Variants in ERC2 observed in about 807,000 individuals in gnomAD.
The protein encoded by ERC2 is ELKS/RAB6-interacting/CAST family member 2.
A neutral mutation model predicts 114.8 loss-of-function variants in ERC2; 42 were observed. The ratio of observed to expected loss-of-function variants is 0.37; its 90% CI spans 0.29 to 0.47. The LOEUF is 0.47. ERC2 is among the 20% of genes least tolerant of loss of function. The pLI, the probability that ERC2 is intolerant of heterozygous loss-of-function variation, is 0.99. For missense variants in ERC2, 939 were observed against 1,150.7 expected (o/e 0.82, Z 2.66); for synonymous variants, 454 against 425.5 (o/e 1.07, Z -0.82).
chr3:55,989,792 C>T (rs1359622691), intron 11 of ERC2, among the ~76,000 whole-genome samples: 2 of 152,124 alleles, frequency 1.3e-5, no homozygotes, highest in Non-Finnish European at 2.9e-5. Flanking sequence ...TCAAGTGCTT[C>T]CCAGAGTACC....
chr3:55,751,024 G>C (rs1379996513), intron 14 of ERC2, among the ~76,000 whole-genome samples: 1 of 152,118 alleles, frequency 6.6e-6, no homozygotes, highest in African/African-American at 2.4e-5. Flanking sequence ...TATGTTGTTG[G>C]CAAAAAATAT....
chr3:56,286,764 C>A (rs2054749759), intron 3 of ERC2, among the ~76,000 whole-genome samples: 1 of 149,574 alleles, frequency 6.7e-6, no homozygotes, highest in Admixed American at 6.6e-5. Context: ...AGCTCCCAGG[C>A]CATTTAAAAA....
At position 55,864,172 on chromosome 3, in the gene ERC2, T is replaced by TATATATATATACAC. The variant is rs1559783267; in HGVS notation, c.2564+24216_2564+24217insGTGTATATATATAT. 2.2e-3 allele frequency among the ~76,000 whole-genome samples: 244 copies of TATATATATATACAC among 113,450 alleles called. 4 individuals carry two copies. The highest frequency in any genetic ancestry group is 0.011 in the East Asian group (51 of 4,634). 74.4% of individuals were successfully genotyped at this position (113,450 alleles called of 152,430 possible). On this transcript the variant is annotated intron_variant, in intron 14 of 17. Transcript: ENST00000288221. ...ATATATATACACATATATATACACA[T>TATATATATATACAC]ATATATATACACATATATATATACA...
rs143068039 is a variant in ERC2, at chr3:56,139,439, G to A, written c.1473+70C>T. 4.1e-4 allele frequency: 612 copies of A among 1,484,860 alleles called. 4 individuals are homozygous for A. The East Asian group carries it at 0.011, about 26-fold the overall frequency. The allele number at this position is 1,484,860 out of a possible 1,614,324, so 92.0% of individuals were successfully genotyped here. A position where few individuals can be genotyped will look rare whatever the true frequency, so the allele number is the denominator to read the frequency against. ...TAGGATAAAGGGTCTTTGGAGGAAA[G>A]TTGTTCAGGTAGGGCAATTTCTATC... is the stretch of plus-strand genomic sequence containing the variant. On this transcript the variant is annotated intron_variant, in intron 6 of 17. Transcript: ENST00000288221.
intron 3 of ERC2, among the ~76,000 whole-genome samples, chr3:56,175,839 AT>A (rs2082947120): frequency 6.6e-6 from 1 of 152,214 alleles, no homozygotes; most frequent in Non-Finnish European, 1.5e-5. Flanking sequence ...AGTTTTTAAT[AT>A]AATTTATTTA....
At chr3:55,727,864 A>G (rs925174722) in intron 15 of ERC2, among the ~76,000 whole-genome samples, 2 of 152,142 alleles carry the variant, frequency 1.3e-5, no homozygotes, top group African/African-American at 4.8e-5. Flanking sequence ...CGCCACCCCA[A>G]TTAGTTCAAC....
chr3:56,212,950 T>C (rs147106134), intron 3 of ERC2, among the ~76,000 whole-genome samples: 5 of 152,294 alleles, frequency 3.3e-5, no homozygotes, highest in Non-Finnish European at 7.4e-5. Context: ...ACATTCTATG[T>C]TCTCATTCAT....
At chr3:56,006,155 T>C (rs1199012715) in intron 10 of ERC2, among the ~76,000 whole-genome samples, 3 of 152,052 alleles carry the variant, frequency 2.0e-5, no homozygotes, top group Non-Finnish European at 4.4e-5. Context: ...GTGTGAAATT[T>C]CTCATGACAA....
At chr3:56,156,606 T>G (rs190488984) in intron 4 of ERC2, among the ~76,000 whole-genome samples, 1 of 152,272 alleles carries the variant, frequency 6.6e-6, no homozygotes, top group African/African-American at 2.4e-5. Flanking sequence ...GTTGCAATAT[T>G]TTAGCAACCA....
chr3:55,734,672 A>G (rs1031980646), intron 15 of ERC2, 99 bp downstream of exon 15: 1 of 1,446,448 alleles, frequency 6.9e-7, no homozygotes, highest in Non-Finnish European at 9.3e-7. Flanking sequence ...GCTTGAGCCC[A>G]CAGGATGGAC....
chr3:56,458,789 CAT>C (rs1005579565), intron 1 of ERC2, among the ~76,000 whole-genome samples: 1 of 152,104 alleles, frequency 6.6e-6, no homozygotes, highest in Non-Finnish European at 1.5e-5. Flanking sequence ...GAAGGAAAAA[CAT>C]ACATCACCAG....
intron 17 of ERC2, among the ~76,000 whole-genome samples, chr3:55,517,446 CAAAAA>C (rs11309251): frequency 1.1e-4 from 10 of 90,156 alleles, no homozygotes; most frequent in Admixed American, 2.6e-4. Context: ...GACTCCGTCT[CAAAAA>C]AAAAAAAAAA....
chr3:55,665,825 C>T (rs185589000), intron 17 of ERC2, among the ~76,000 whole-genome samples: 1 of 152,306 alleles, frequency 6.6e-6, no homozygotes, highest in Admixed American at 6.5e-5. Context: ...ACTGCATCAT[C>T]TCATAGCTTC....
At chr3:55,783,741 A>C (rs2069250339) in intron 14 of ERC2, among the ~76,000 whole-genome samples, 1 of 152,198 alleles carries the variant, frequency 6.6e-6, no homozygotes, top group Non-Finnish European at 1.5e-5. Flanking sequence ...TGGGTGACAA[A>C]GTCTCATCAC....
intron 12 of ERC2, among the ~76,000 whole-genome samples, chr3:55,961,853 C>CA (rs56292252): frequency 0.76 from 103,608 of 136,294 alleles, 39,861 homozygotes; most frequent in Non-Finnish European, 0.82. Flanking sequence ...GATACCCAGT[C>CA]AAAAAAAAAA....
intron 15 of ERC2, among the ~76,000 whole-genome samples, chr3:55,734,526 C>T (rs1237067363): frequency 1.3e-5 from 2 of 152,150 alleles, no homozygotes; most frequent in East Asian, 1.9e-4. Flanking sequence ...GGGGAGATGA[C>T]GCTGACACAA....
chr3:56,316,585 GTGA>G (rs1475917372), intron 2 of ERC2, among the ~76,000 whole-genome samples: 1 of 152,070 alleles, frequency 6.6e-6, no homozygotes, highest in Non-Finnish European at 1.5e-5. Flanking sequence ...TACAGTTGTA[GTGA>G]TGAATAAATT....
At position 55,932,328 on chromosome 3, in the gene ERC2, A is replaced by G. The variant is rs73083374; in HGVS notation, c.2403+18097T>C. On this transcript the variant is annotated intron_variant, in intron 13 of 17. Transcript: ENST00000288221. ...GAACTTTAAAGCAGATGAAGGCAAT[A>G]ATGATGTTATTATTATGACATCTAT... Among the ~76,000 whole-genome samples the G allele has an allele frequency of 8.5e-3, 1,297 of 152,330 alleles. 6 individuals carry two copies. The highest frequency in any genetic ancestry group is 0.014 in the Non-Finnish European group (951 of 68,036).
intron 2 of ERC2, among the ~76,000 whole-genome samples, chr3:56,368,087 A>G (rs146581617): frequency 0.014 from 2,067 of 151,898 alleles, 48 homozygotes; most frequent in Non-Finnish European, 0.014. Context: ...GGGATCAATC[A>G]TACTCCAAAC....
Sources: allele counts gnomAD v4.1 joint callset (sites outside exome capture counted in the v4.1 genomes callset), GRCh38; gene constraint gnomAD v4.1.1; transcripts MANE v1.5; gene names NCBI Gene and HGNC (gene_info 2026-07-23, HGNC 2026-07-21).